The following CERKL variants were observed in gnomAD, a reference collection of about 807,000 sequenced individuals.
The protein encoded by CERKL is ceramide kinase-like protein.
Under a neutral mutation model 63.4 loss-of-function variants are expected in CERKL, and 61 were observed. The observed-to-expected ratio is 0.96, with a 90% CI of 0.78 to 1.19. The LOEUF (loss-of-function observed/expected upper bound fraction) is 1.19. CERKL is among the 50% of genes most tolerant of loss of function. The pLI, the probability that CERKL is intolerant of heterozygous loss-of-function variation, is 0.00. For synonymous variants in CERKL, 250 were observed against 230.5 expected, an observed-to-expected ratio of 1.08 and a Z score of -0.77; for missense variants, 675 against 655.5, an observed-to-expected ratio of 1.03 and a Z score of -0.33.
rs1413222044 is a variant in CERKL at position 181,573,806 on chromosome 2, T to A, written c.560A>T (p.Tyr187Phe). The A allele has an allele frequency of 3.7e-6, 6 of 1,612,190 alleles. No individual in the cohort carries two copies. In the African/African-American group the frequency reaches 6.7e-5, roughly 18 times the overall value. ...CTTCAACAGAGGTTCAACCTTCTCA[T>A]AATAAACCTGGGTAGCTTCTTTTTT... ...SHKKEATQVY[Y>F]EKVEPLLKLA... Residue 187 changes from tyrosine to phenylalanine, a missense_variant, in exon 3 of 13, where the codon TAT becomes TTT. Transcript: ENST00000410087.
intron 1 of CERKL, among the ~76,000 whole-genome samples, chr2:181,614,704 C>G (rs987860515): frequency 1.9e-4 from 29 of 152,028 alleles, no homozygotes; most frequent in Non-Finnish European, 3.8e-4. Context: ...TATGTAAAAG[C>G]TACATTTCCA....
intron 1 of CERKL, among the ~76,000 whole-genome samples, chr2:181,619,711 C>T (rs897486154): frequency 1.1e-4 from 17 of 152,228 alleles, no homozygotes; most frequent in African/African-American, 3.1e-4. Context: ...AACCAACTGT[C>T]GAAGCACATT....
chr2:181,590,092 G>T (rs926638313), intron 2 of CERKL, among the ~76,000 whole-genome samples: 2 of 151,826 alleles, frequency 1.3e-5, no homozygotes, highest in Non-Finnish European at 2.9e-5. Context: ...ATAGTGCTGA[G>T]ATTACAGGAA....
At chr2:181,557,016 G>T (rs1387447659) in intron 5 of CERKL, among the ~76,000 whole-genome samples, 1 of 152,124 alleles carries the variant, frequency 6.6e-6, no homozygotes, top group South Asian at 2.1e-4. Context: ...ATTTTTTCAT[G>T]TGTCTTTTGG....
At chr2:181,543,711 G>A (rs991610931) in intron 11 of CERKL, among the ~76,000 whole-genome samples, 3 of 152,124 alleles carry the variant, frequency 2.0e-5, no homozygotes, top group African/African-American at 4.8e-5. Context: ...TGGGCCGGAC[G>A]TGGTGGCTCA....
chr2:181,611,641 C>T (rs1394668593), intron 1 of CERKL, among the ~76,000 whole-genome samples: 1 of 152,060 alleles, frequency 6.6e-6, no homozygotes, highest in Non-Finnish European at 1.5e-5. Flanking sequence ...GCTGAGATCA[C>T]ACTACTGCAC....
At chr2:181,644,887 A>T (rs768653692) in intron 1 of CERKL, among the ~76,000 whole-genome samples, 1 of 152,164 alleles carries the variant, frequency 6.6e-6, no homozygotes, top group Non-Finnish European at 1.5e-5. Context: ...TTGTGTAGAG[A>T]ACTAGTTTTG....
chr2:181,650,151 AAGGAAG>A, intron 1 of CERKL: 3 of 143,596 alleles, frequency 2.1e-5, no homozygotes, highest in African/African-American at 8.7e-5. Flanking sequence ...GGAAGGAAGG[AAGGAAG>A]GAAGGAAAGA....
At chr2:181,650,819 G>A (rs1687899850) in intron 1 of CERKL, among the ~76,000 whole-genome samples, 1 of 151,480 alleles carries the variant, frequency 6.6e-6, no homozygotes, top group South Asian at 2.1e-4. Context: ...GTTGGTAGAA[G>A]TAAGGAAGTA....
chr2:181,598,872 GAA>G (rs550852358), intron 2 of CERKL, among the ~76,000 whole-genome samples: 2 of 118,892 alleles, frequency 1.7e-5, no homozygotes. Flanking sequence ...CCCTCAAGGG[GAA>G]AAAAAAAAAA....
intron 2 of CERKL, among the ~76,000 whole-genome samples, chr2:181,583,235 G>A (rs1193307112): frequency 6.6e-6 from 1 of 151,664 alleles, no homozygotes; most frequent in Non-Finnish European, 1.5e-5. Context: ...AGGCAAGGAT[G>A]ATCAATGTGT....
In CERKL at chr2:181,538,190, T is replaced by A. The variant is rs1559065823; in HGVS notation, c.1593A>T (p.Pro531=). ...TTTTAGAAACAATTACATGTTACTT[T>A]GGAATCATTTCTTCCATGCTTCCTC... ...LYGGSMEEMI[P]K The change falls in exon 13 of 13, where the codon CCA becomes CCT. Residue 531 remains proline (P), a synonymous_variant. Transcript: ENST00000410087. The A allele has an allele frequency of 3.2e-6, 5 of 1,569,288 alleles. No individual in the cohort carries two copies. Among genetic ancestry groups the A allele is most frequent in the Non-Finnish European group, 3.5e-6 (4 of 1,140,698 alleles).
intron 1 of CERKL, among the ~76,000 whole-genome samples, chr2:181,650,477 G>A (rs545426487): frequency 6.6e-6 from 1 of 152,138 alleles, no homozygotes; most frequent in Non-Finnish European, 1.5e-5. Context: ...CAAACTAATC[G>A]GCCAGGCATT....
chr2:181,595,860 T>C (rs1685182370), intron 2 of CERKL, among the ~76,000 whole-genome samples: 1 of 152,206 alleles, frequency 6.6e-6, no homozygotes, highest in South Asian at 2.1e-4. Flanking sequence ...TTCTTGATGC[T>C]ATTATTATGA....
intron 5 of CERKL, among the ~76,000 whole-genome samples, chr2:181,557,646 C>T (rs1348280029): frequency 1.3e-5 from 2 of 152,120 alleles, no homozygotes; most frequent in Admixed American, 6.6e-5. Context: ...CAAAATGAAT[C>T]CTCCTGGAAC....
rs1195080401 is a variant in CERKL at position 181,537,027 on chromosome 2, T to G, written c.*1157A>C. The G allele has an allele frequency of 6.7e-6, 3 of 444,536 alleles. No individual in the cohort carries two copies. Among genetic ancestry groups the G allele is most frequent in the Non-Finnish European group, 1.4e-5 (3 of 221,852 alleles). The allele number at this position is 444,536 out of a possible 1,614,324, so 27.5% of individuals were successfully genotyped here. ...AGTGATGGTGAGGAATGTTCTGAGA[T>G]TTGCGAAGGCATTTGAGTAGTGAAA... On this transcript the variant is annotated 3_prime_UTR_variant, in exon 13 of 13. Coordinates refer to ENST00000410087, the MANE Select transcript of CERKL (RefSeq NM_201548.5).
intron 8 of CERKL, chr2:181,548,249 G>A (rs1169060347): frequency 2.0e-6 from 1 of 508,710 alleles, no homozygotes. Flanking sequence ...AAGGGAAAAG[G>A]AAAGAAAGGG....
At chr2:181,586,547 T>C (rs1684776652) in intron 2 of CERKL, among the ~76,000 whole-genome samples, 1 of 152,318 alleles carries the variant, frequency 6.6e-6, no homozygotes, top group African/African-American at 2.4e-5. Context: ...AATATAGGTA[T>C]AATTCAACAT....
rs184314728 is a variant in CERKL, at chr2:181,623,988, C to A, written c.239-19909G>T. Among the ~76,000 whole-genome samples, 267 of 152,196 alleles carry A rather than the reference C, an allele frequency of 1.8e-3. 1 individual carries two copies. Among genetic ancestry groups the A allele is most frequent in the Non-Finnish European group, 3.7e-4 (25 of 68,014 alleles). ...TAAATATCTGAATTTTAACACATAGCTGGTTCCAAGGGTTTCTGGGCAAAG... is the reference window on the plus strand; with the variant it reads ...TAAATATCTGAATTTTAACACATAGATGGTTCCAAGGGTTTCTGGGCAAAG... On this transcript the variant is annotated intron_variant, in intron 1 of 12. Transcript: ENST00000410087.
Sources: allele counts gnomAD v4.1 joint callset (sites outside exome capture counted in the v4.1 genomes callset), GRCh38; gene constraint gnomAD v4.1.1; transcripts MANE v1.5; gene names NCBI Gene and HGNC (gene_info 2026-07-23, HGNC 2026-07-21).